ADCY8: variants seen among roughly 807,000 people sequenced by gnomAD.
The protein encoded by ADCY8 is adenylate cyclase type 8.
A neutral mutation model predicts 119.7 loss-of-function variants in ADCY8; 51 were observed. The ratio of observed to expected loss-of-function variants is 0.43; its 90% CI spans 0.34 to 0.54. The LOEUF (loss-of-function observed/expected upper bound fraction) is 0.54. ADCY8 is among the 20% of genes least tolerant of loss of function. The pLI is 0.03. For missense variants in ADCY8, 1,383 were observed against 1,598.8 expected (o/e 0.87, Z 2.30); for synonymous variants, 665 against 651.0 (o/e 1.02, Z -0.33).
chr8:130,844,540 G>A (rs1009722216), intron 11 of ADCY8, among the ~76,000 whole-genome samples: 1 of 152,198 alleles, frequency 6.6e-6, no homozygotes, highest in African/African-American at 2.4e-5. Flanking sequence ...CAAAGATGAA[G>A]CGATTTGCTT....
chr8:130,995,062 T>G (rs1451995900), intron 1 of ADCY8, among the ~76,000 whole-genome samples: 2 of 152,206 alleles, frequency 1.3e-5, no homozygotes, highest in Non-Finnish European at 2.9e-5. Context: ...ATAGTCACTC[T>G]TATACCTAGT....
intron 2 of ADCY8, among the ~76,000 whole-genome samples, chr8:130,966,962 C>T (rs182268537): frequency 2.6e-5 from 4 of 151,964 alleles, no homozygotes; most frequent in African/African-American, 4.8e-5. Context: ...AAAGCTTTCA[C>T]TCTTAGAAAA....
intron 2 of ADCY8, among the ~76,000 whole-genome samples, chr8:130,967,622 T>G (rs1011363456): frequency 6.6e-6 from 1 of 152,196 alleles, no homozygotes; most frequent in Non-Finnish European, 1.5e-5. Flanking sequence ...CATTACTCTA[T>G]AGTCTATATT....
chr8:130,889,686 T>C (rs1819115459), intron 7 of ADCY8, among the ~76,000 whole-genome samples: 1 of 152,190 alleles, frequency 6.6e-6, no homozygotes, highest in Non-Finnish European at 1.5e-5. Flanking sequence ...CCATAGGTGA[T>C]ATAGTTTCTA....
intron 8 of ADCY8, among the ~76,000 whole-genome samples, chr8:130,882,686 A>G (rs1818822628): frequency 6.6e-6 from 1 of 152,186 alleles, no homozygotes; most frequent in Non-Finnish European, 1.5e-5. Flanking sequence ...AGCTCATAAT[A>G]ACATCTACTT....
At chr8:130,869,519 T>TG (rs1818253450) in intron 8 of ADCY8, among the ~76,000 whole-genome samples, 1 of 34,654 alleles carries the variant, frequency 2.9e-5, no homozygotes, top group African/African-American at 1.7e-4. Context: ...TTTTTTTTTG[T>TG]TTTTTTGTTT....
intron 1 of ADCY8, among the ~76,000 whole-genome samples, chr8:131,005,736 C>T (rs529485791): frequency 6.6e-6 from 1 of 152,268 alleles, no homozygotes; most frequent in South Asian, 2.1e-4. Flanking sequence ...TTACTGTATT[C>T]CTCTACTGTA....
chr8:130,972,851 C>T (rs12682647), intron 2 of ADCY8, among the ~76,000 whole-genome samples: 1 of 122,504 alleles, frequency 8.2e-6, no homozygotes, highest in Non-Finnish European at 1.8e-5. Flanking sequence ...GTTTTTTTTT[C>T]CCCCAAACCA....
chr8:130,902,727 A>G (rs565756146), intron 7 of ADCY8, among the ~76,000 whole-genome samples: 1 of 152,272 alleles, frequency 6.6e-6, no homozygotes, highest in African/African-American at 2.4e-5. Context: ...AGGTCTATGG[A>G]ATTTAAAAAT....
intron 2 of ADCY8, among the ~76,000 whole-genome samples, chr8:130,956,983 G>A (rs769852934): frequency 2.6e-4 from 40 of 152,260 alleles, no homozygotes; most frequent in East Asian, 9.6e-4. Context: ...TACTAGTAGC[G>A]TGAAAACAGA....
chr8:131,016,784 C>T (rs182586038), intron 1 of ADCY8, among the ~76,000 whole-genome samples: 4 of 152,144 alleles, frequency 2.6e-5, no homozygotes, highest in East Asian at 3.9e-4. Context: ...GACACTGGCT[C>T]GACCCGGCAT....
chr8:130,939,193 T>C (rs1820886178), intron 4 of ADCY8, among the ~76,000 whole-genome samples: 1 of 150,952 alleles, frequency 6.6e-6, no homozygotes, highest in African/African-American at 2.4e-5. Flanking sequence ...TAAAAGCAAA[T>C]ATATTTTTAA....
At chr8:130,939,669 A>G (rs1820899014) in intron 4 of ADCY8, among the ~76,000 whole-genome samples, 1 of 152,228 alleles carries the variant, frequency 6.6e-6, no homozygotes, top group Non-Finnish European at 1.5e-5. Context: ...AAGCCACTGT[A>G]TGTGGGTTTC....
intron 2 of ADCY8, among the ~76,000 whole-genome samples, chr8:130,971,662 A>G (rs577730366): frequency 7.9e-5 from 12 of 152,236 alleles, no homozygotes; most frequent in Non-Finnish European, 1.8e-4. Context: ...TGCAAGCCCA[A>G]TTAAGGATGT....
At chr8:130,941,173 A>G (rs1563737676) in intron 4 of ADCY8, among the ~76,000 whole-genome samples, 1 of 152,226 alleles carries the variant, frequency 6.6e-6, no homozygotes, top group Non-Finnish European at 1.5e-5. Flanking sequence ...CCTAGTAAAA[A>G]TGAAACTGTA....
intron 15 of ADCY8, among the ~76,000 whole-genome samples, chr8:130,797,092 G>A (rs2130096551): frequency 6.6e-6 from 1 of 152,310 alleles, no homozygotes; most frequent in Admixed American, 6.5e-5. Context: ...ATATGAGAGG[G>A]AGCACTTTTG....
At chr8:130,887,944 G>A (rs1282587251) in intron 7 of ADCY8, among the ~76,000 whole-genome samples, 1 of 152,118 alleles carries the variant, frequency 6.6e-6, no homozygotes, top group Non-Finnish European at 1.5e-5. Context: ...TCTATTTAGA[G>A]TCATTAGAGT....
At chr8:130,933,571 G>A (rs1375600368) in intron 5 of ADCY8, among the ~76,000 whole-genome samples, 1 of 152,068 alleles carries the variant, frequency 6.6e-6, no homozygotes, top group East Asian at 1.9e-4. Flanking sequence ...AATTAATACT[G>A]GACCTCATGT....
intron 2 of ADCY8, among the ~76,000 whole-genome samples, chr8:130,976,237 C>T (rs774401140): frequency 1.3e-5 from 2 of 152,144 alleles, no homozygotes; most frequent in Admixed American, 1.3e-4. Flanking sequence ...ATCATAACTG[C>T]GAACTTGCTA....
Sources: gnomAD v4.1 joint callset for allele counts (sites outside exome capture counted in the v4.1 genomes callset) on GRCh38, gnomAD v4.1.1 for gene constraint, MANE v1.5 for transcripts, NCBI Gene and HGNC (gene_info 2026-07-23, HGNC 2026-07-21) for gene names.